Variants in CADPS observed in about 807,000 individuals in gnomAD.
CADPS encodes calcium-dependent secretion activator 1.
In CADPS, 57 loss-of-function variants were observed where a neutral mutation model predicts 167.3. That is an observed-to-expected ratio of 0.34 (90% CI 0.28 to 0.42). CADPS has a LOEUF of 0.42. Among genes scored for constraint, CADPS ranks in the 20% least tolerant of loss-of-function variants. The probability of loss-of-function intolerance (pLI) is 1.00; values close to 1 mark genes in which losing one functional copy is unlikely to be tolerated. For synonymous variants in CADPS, 676 were observed against 635.3 expected (o/e 1.06, Z -0.96); for missense variants, 1,414 against 1,738.1 (o/e 0.81, Z 3.32).
At position 62,759,296 on chromosome 3, in the gene CADPS, G is replaced by A. The variant is rs2084769309; in HGVS notation, c.556-5523C>T. 3.3e-5 allele frequency among the ~76,000 whole-genome samples: 5 copies of A among 152,170 alleles called. No individual in the cohort carries two copies. The South Asian group carries it at 1.0e-3, about 32-fold the overall frequency. On this transcript the variant is annotated intron_variant, in intron 2 of 29. Transcript: ENST00000383710. ...ATCCTGATTCAGTGATATTATGCCTGCAAGTTGGTTAGCCTGTTGCCTACT... is the reference window on the plus strand; with the variant it reads ...ATCCTGATTCAGTGATATTATGCCTACAAGTTGGTTAGCCTGTTGCCTACT...
chr3:62,740,518 A>G (rs1698342076), intron 3 of CADPS, among the ~76,000 whole-genome samples: 1 of 152,212 alleles, frequency 6.6e-6, no homozygotes, highest in Non-Finnish European at 1.5e-5. Context: ...TAATTGGGTA[A>G]AAGAAGATAC....
intron 8 of CADPS, among the ~76,000 whole-genome samples, chr3:62,579,137 C>A (rs565192989): frequency 6.6e-6 from 1 of 152,274 alleles, no homozygotes; most frequent in African/African-American, 2.4e-5. Context: ...GACTGTGGTT[C>A]ATTGAATGAA....
At chr3:62,563,114 T>C (rs1251335457) in intron 9 of CADPS, among the ~76,000 whole-genome samples, 1 of 152,208 alleles carries the variant, frequency 6.6e-6, no homozygotes, top group East Asian at 1.9e-4. Flanking sequence ...TTTAATTAGT[T>C]AACCAATACA....
At chr3:62,814,013 C>A (rs1559746918) in intron 1 of CADPS, among the ~76,000 whole-genome samples, 1 of 152,110 alleles carries the variant, frequency 6.6e-6, no homozygotes, top group African/African-American at 2.4e-5. Flanking sequence ...CTGCACACAG[C>A]ACTTACTAAA....
At chr3:62,779,369 C>CT (rs950837405) in intron 1 of CADPS, 2 of 450,004 alleles carry the variant, frequency 4.4e-6, no homozygotes, top group East Asian at 5.3e-5. Context: ...ATAGCAGGTG[C>CT]TTTTTTGGGA....
chr3:62,753,238 TAAA>T lies in CADPS; in HGVS notation c.888+200_888+202del, dbSNP rs995618978. ...GGCCCCTGAGACTTTTAAGGGCTCA[TAAA>T]AATGTTTTATTTATTTATTTTTTAA... On this transcript the variant is annotated intron_variant, in intron 3 of 29. Coordinates refer to ENST00000383710, the MANE Select transcript of CADPS (RefSeq NM_003716.4). The surrounding 1 kb of genome is among the most constrained non-coding windows in gnomAD (Gnocchi z 4.6). Among the ~76,000 whole-genome samples the T allele has an allele frequency of 1.3e-5, 2 of 152,304 alleles. No individual in the cohort carries two copies. The highest frequency in any genetic ancestry group is 4.8e-5 in the African/African-American group (2 of 41,564).
At chr3:62,713,305 G>A (rs1283280118) in intron 3 of CADPS, among the ~76,000 whole-genome samples, 2 of 152,010 alleles carry the variant, frequency 1.3e-5, no homozygotes, top group South Asian at 2.1e-4. Flanking sequence ...TATTTGTGTC[G>A]GTGAGGTAGG....
At chr3:62,770,482 G>A (rs1226029089) in intron 1 of CADPS, among the ~76,000 whole-genome samples, 1 of 152,142 alleles carries the variant, frequency 6.6e-6, no homozygotes, top group African/African-American at 2.4e-5. Context: ...CTGGAGTGCA[G>A]TGGTGCCATG....
At chr3:62,424,731 C>G (rs984648804) in intron 28 of CADPS, among the ~76,000 whole-genome samples, 6 of 152,232 alleles carry the variant, frequency 3.9e-5, no homozygotes, top group African/African-American at 1.4e-4. Flanking sequence ...TTACCCATTA[C>G]ATGAACCAGA....
intron 11 of CADPS, among the ~76,000 whole-genome samples, chr3:62,541,599 T>G (rs1332824180): frequency 6.6e-6 from 1 of 152,152 alleles, no homozygotes; most frequent in Non-Finnish European, 1.5e-5. Context: ...GGAAGTAATT[T>G]TGGCTTGACA....
intron 3 of CADPS, among the ~76,000 whole-genome samples, chr3:62,667,376 C>G (rs1297332821): frequency 1.3e-5 from 2 of 151,938 alleles, no homozygotes; most frequent in Non-Finnish European, 2.9e-5. Flanking sequence ...AACCTGTGTT[C>G]TGATCCTTAG....
chr3:62,754,403 G>T (rs1272928185), intron 2 of CADPS, among the ~76,000 whole-genome samples: 1 of 152,010 alleles, frequency 6.6e-6, no homozygotes, highest in East Asian at 1.9e-4. Flanking sequence ...GCCCAGGCTG[G>T]TCTCAAACTC....
chr3:62,585,418 A>G lies in CADPS; in HGVS notation c.1438-94T>C, dbSNP rs2084383053. On this transcript the variant is annotated intron_variant, in intron 7 of 29. Transcript: ENST00000383710. ...TGATTCTGAGTAGTGGAGTGACTTG[A>G]ACAATTCCCACTGTGGAGCAGCCAT... 7.8e-6 allele frequency: 10 copies of G among 1,289,532 alleles called. No individual in the cohort carries two copies. In the South Asian group the frequency reaches 1.4e-4, roughly 19 times the overall value. The allele number at this position is 1,289,532 out of a possible 1,614,324, so 79.9% of individuals were successfully genotyped here.
chr3:62,538,595 C>T (rs2075162314), intron 11 of CADPS, among the ~76,000 whole-genome samples: 1 of 152,142 alleles, frequency 6.6e-6, no homozygotes, highest in African/African-American at 2.4e-5. Flanking sequence ...CAGCTTCTTG[C>T]TCTCGGGTTT....
At chr3:62,665,030 C>A (rs184068362) in intron 3 of CADPS, among the ~76,000 whole-genome samples, 4 of 152,222 alleles carry the variant, frequency 2.6e-5, no homozygotes, top group South Asian at 2.1e-4. Flanking sequence ...GAGCTTAAAT[C>A]CAGCAAGAAC....
intron 1 of CADPS, among the ~76,000 whole-genome samples, chr3:62,829,912 C>A (rs1203918494): frequency 6.6e-6 from 1 of 152,170 alleles, no homozygotes; most frequent in Non-Finnish European, 1.5e-5. Context: ...CATTCAGGAC[C>A]TATCCCTGAC....
At chr3:62,669,357 C>T (rs558699315) in intron 3 of CADPS, among the ~76,000 whole-genome samples, 11 of 152,338 alleles carry the variant, frequency 7.2e-5, no homozygotes, top group African/African-American at 2.4e-4. Context: ...CCAGCAAATG[C>T]TGCCTTCCTG....
intron 6 of CADPS, among the ~76,000 whole-genome samples, chr3:62,614,151 C>T (rs1271105869): frequency 6.6e-6 from 1 of 152,158 alleles, no homozygotes; most frequent in East Asian, 1.9e-4. Flanking sequence ...TACTATGGGC[C>T]AGGCAATGTT....
At position 62,680,799 on chromosome 3, in the gene CADPS, C is replaced by G. The variant is rs1462219104; in HGVS notation, c.889-18405G>C. Among the ~76,000 whole-genome samples the G allele has an allele frequency of 2.0e-5, 3 of 152,054 alleles. No individual in the cohort carries two copies. In the East Asian group the frequency reaches 5.8e-4, roughly 30 times the overall value. The stretch of plus-strand genomic sequence containing the variant: ...TGCTCATAATACAAAACTATGAAAC[C>G]AAGAATTTCTCTGTGAGAAATAGTG... On this transcript the variant is annotated intron_variant, in intron 3 of 29. Coordinates refer to ENST00000383710, the MANE Select transcript of CADPS (RefSeq NM_003716.4).
Sources: gnomAD v4.1 joint callset for allele counts (sites outside exome capture counted in the v4.1 genomes callset) on GRCh38, gnomAD v4.1.1 for gene constraint, Gnocchi (gnomAD v3.1) non-coding constraint, MANE v1.5 for transcripts, NCBI Gene and HGNC (gene_info 2026-07-23, HGNC 2026-07-21) for gene names.